The following ACBD7 variants were observed in gnomAD, a reference collection of about 807,000 sequenced individuals.
ACBD7 encodes acyl-CoA binding domain containing 7, also known as acyl-CoA-binding domain-containing protein 7.
A neutral mutation model predicts 13.7 loss-of-function variants in ACBD7; 11 were observed. The observed-to-expected ratio is 0.80, with a 90% confidence interval of 0.50 to 1.33. The LOEUF (loss-of-function observed/expected upper bound fraction) is 1.33. Among genes scored for constraint, ACBD7 ranks in the 40% most tolerant of loss-of-function variants. The probability of loss-of-function intolerance (pLI) is 0.00; values close to 1 mark genes in which losing one functional copy is unlikely to be tolerated. For missense variants in ACBD7, 111 were observed against 103.0 expected (o/e 1.08, Z -0.33); for synonymous variants, 43 against 37.7 (o/e 1.14, Z -0.51).
intron 1 of ACBD7, 120 bp from the exon 2 acceptor site, chr10:15,079,160 AG>A (rs1844719786): frequency 1.9e-6 from 1 of 519,670 alleles, no homozygotes; most frequent in Non-Finnish European, 3.3e-6. Context: ...TGGTTCTATC[AG>A]AATCATCTTA....
chr10:15,076,059 T>C lies in ACBD7; in HGVS notation c.*2471A>G. The C allele has an allele frequency of 1.1e-6, 1 of 950,048 alleles. No homozygotes were observed. Among genetic ancestry groups the C allele is most frequent in the Non-Finnish European group, 1.3e-6 (1 of 797,798 alleles). The allele number at this position is 950,048 out of a possible 1,614,324, so 58.9% of individuals were successfully genotyped here. A position where few individuals can be genotyped will look rare whatever the true frequency, so the allele number is the denominator to read the frequency against. On this transcript the variant is annotated 3_prime_UTR_variant, in exon 4 of 4. Coordinates refer to ENST00000356189, the MANE Select transcript of ACBD7 (RefSeq NM_001039844.3). ...ATGTCACATTTGGGGACTGGCTTTT[T>C]CTGCTCAGCATAATTCCCTGGAAAT...
intron 1 of ACBD7, among the ~76,000 whole-genome samples, chr10:15,085,112 G>A (rs1738252695): frequency 6.6e-6 from 1 of 152,198 alleles, no homozygotes; most frequent in Non-Finnish European, 1.5e-5. Context: ...TTTCTCCTGA[G>A]CGAGGGGTCC....
Position 15,076,991 on chromosome 10 carries a change from T to C in ACBD7, c.*1539A>G, listed in dbSNP as rs1844689667. On this transcript the variant is annotated 3_prime_UTR_variant, in exon 4 of 4. Coordinates refer to ENST00000356189, the MANE Select transcript of ACBD7 (RefSeq NM_001039844.3). ...AATGCTTATACACTATTGGTGGGAA[T>C]GTAAATTAGTACAACCTCTATGAAA... 1.1e-6 allele frequency: 1 copy of C among 927,410 alleles called. No homozygotes were observed. Among genetic ancestry groups the C allele is most frequent in the Non-Finnish European group, 1.3e-6 (1 of 777,338 alleles). The allele number at this position is 927,410 out of a possible 1,614,324, so 57.4% of individuals were successfully genotyped here. A position where few individuals can be genotyped will look rare whatever the true frequency, so the allele number is the denominator to read the frequency against.
rs779230697 is a variant in ACBD7 at position 15,078,760 on chromosome 10, AAAG to A, written c.131-10_131-8del. 37 of 1,613,546 alleles carry A rather than the reference AAAG, an allele frequency of 2.3e-5. No homozygotes were observed. Among genetic ancestry groups the A allele is most frequent in the African/African-American group, 2.3e-4 (17 of 74,914 alleles). ...TCTAGCATTCCTGGACACGCTGGCA[AAAG>A]AAGGAGACATGCATTTGCAGGTTAA... On this transcript the variant is annotated splice_polypyrimidine_tract_variant and splice_region_variant and intron_variant, in intron 2 of 3. Transcript: ENST00000356189.
rs1442466046 is a variant in ACBD7, at chr10:15,078,592, C to T, written c.205G>A (p.Glu69Lys). Residue 69 changes from glutamate (E) to lysine (K), a missense_variant, in exon 4 of 4, where the codon GAA (glutamate) becomes AAA (lysine). By Grantham distance (56) the Glu-to-Lys change is moderately conservative. Coordinates refer to ENST00000356189, the MANE Select transcript of ACBD7 (RefSeq NM_001039844.3). ...GAAATATAGGCACTCGTCGCATCTT[C>T]CGTCGACAACCCTAGAAAGATACAA... ...AWNLKKGLST[E>K]DATSAYISKA... The T allele has an allele frequency of 6.2e-7, 1 of 1,614,148 alleles. No homozygotes were observed. Among genetic ancestry groups the T allele is most frequent in the Non-Finnish European group, 8.5e-7 (1 of 1,180,038 alleles).
rs1035055674 is a variant in ACBD7, at chr10:15,078,330, G to T, written c.*200C>A. On this transcript the variant is annotated 3_prime_UTR_variant, in exon 4 of 4. Coordinates refer to ENST00000356189, the MANE Select transcript of ACBD7 (RefSeq NM_001039844.3). Reference sequence around the variant, plus strand: ...TATATGTGCCACATTTTCTTAAAAAGAACTTTTAAAGACACCTGGTTTAAG... The same window carrying T: ...TATATGTGCCACATTTTCTTAAAAATAACTTTTAAAGACACCTGGTTTAAG... The T allele has an allele frequency of 2.1e-6, 3 of 1,417,306 alleles. No individual in the cohort carries two copies. Among genetic ancestry groups the T allele is most frequent in the African/African-American group, 1.4e-5 (1 of 69,748 alleles). The allele number at this position is 1,417,306 out of a possible 1,614,324, so 87.8% of individuals were successfully genotyped here.
intron 1 of ACBD7, among the ~76,000 whole-genome samples, chr10:15,080,101 C>T (rs75436928): frequency 2.0e-5 from 3 of 152,080 alleles, no homozygotes; most frequent in Admixed American, 6.6e-5. Context: ...AGGGTAATCA[C>T]TATTCCTGAT....
At position 15,078,676 on chromosome 10, in the gene ACBD7, G is replaced by T. The variant is rs761130116; in HGVS notation, c.193+15C>A. The T allele has an allele frequency of 6.2e-7, 1 of 1,614,006 alleles. No homozygotes were observed. The highest frequency in any genetic ancestry group is 1.3e-5 in the African/African-American group (1 of 75,020). ...TTAAGAAAGTTTGCTTTAAACTTGT[G>T]AAAGACTAAAAAACCTTTTTTGAGG... On this transcript the variant is annotated intron_variant, in intron 3 of 3. Coordinates refer to ENST00000356189, the MANE Select transcript of ACBD7 (RefSeq NM_001039844.3).
Position 15,076,436 on chromosome 10 carries a change from T to C in ACBD7, c.*2094A>G, listed in dbSNP as rs1158268018. On this transcript the variant is annotated 3_prime_UTR_variant, in exon 4 of 4. Coordinates refer to ENST00000356189, the MANE Select transcript of ACBD7 (RefSeq NM_001039844.3). ...CTTAAATGTCTTAAATGTAAAAATT[T>C]AAAGAAAAATAGATATTCCTATGGG... is the stretch of plus-strand genomic sequence containing the variant. 1.0e-6 allele frequency: 1 copy of C among 971,290 alleles called. No individual in the cohort carries two copies. Among genetic ancestry groups the C allele is most frequent in the Non-Finnish European group, 1.2e-6 (1 of 817,212 alleles). The allele number at this position is 971,290 out of a possible 1,614,324, so 60.2% of individuals were successfully genotyped here.
In ACBD7 at chr10:15,088,768, C is replaced by G; in HGVS notation, c.-40G>C. ...CGTTGTTGCTGCTGCTGTTGTCGTC[C>G]GGTGCTCTGCCCCCTCTCGCACCCA... On this transcript the variant is annotated 5_prime_UTR_variant, in exon 1 of 4. Transcript: ENST00000356189. 1.9e-6 allele frequency: 3 copies of G among 1,597,386 alleles called. No individual in the cohort carries two copies. The highest frequency in any genetic ancestry group is 2.6e-6 in the Non-Finnish European group (3 of 1,174,782).
intron 1 of ACBD7, among the ~76,000 whole-genome samples, chr10:15,086,125 T>G (rs1174978798): frequency 4.6e-5 from 7 of 151,872 alleles, no homozygotes; most frequent in Admixed American, 3.9e-4. Context: ...CTGGCCAACA[T>G]GGTGAAACCC....
rs555756110 is a variant in ACBD7 at position 15,076,735 on chromosome 10, C to A, written c.*1795G>T. ...GTCAGGCTGGTCTCGAACTTCTGAC[C>A]TCAGTAATCCACCTACCTCGGCCTC... On this transcript the variant is annotated 3_prime_UTR_variant, in exon 4 of 4. Transcript: ENST00000356189. The A allele has an allele frequency of 9.5e-6, 9 of 949,512 alleles. No homozygotes were observed. The highest frequency in any genetic ancestry group is 1.1e-5 in the Non-Finnish European group (9 of 797,452). The allele number at this position is 949,512 out of a possible 1,614,324, so 58.8% of individuals were successfully genotyped here.
chr10:15,083,841 C>T (rs1340881923), intron 1 of ACBD7, among the ~76,000 whole-genome samples: 1 of 152,182 alleles, frequency 6.6e-6, no homozygotes, highest in African/African-American at 2.4e-5. Flanking sequence ...GAGTTCATCT[C>T]ACAGCTCATA....
At position 15,076,464 on chromosome 10, in the gene ACBD7, C is replaced by T; in HGVS notation, c.*2066G>A. ...AGAAAAATAGATATTCCTATGGGGG[C>T]TTTTTAAATTTCTTTAAACTGCTAT... On this transcript the variant is annotated 3_prime_UTR_variant, in exon 4 of 4. Coordinates refer to ENST00000356189, the MANE Select transcript of ACBD7 (RefSeq NM_001039844.3). 1.0e-6 allele frequency: 1 copy of T among 961,914 alleles called. No homozygotes were observed. 59.6% of individuals were successfully genotyped at this position (961,914 alleles called of 1,614,324 possible).
Position 15,088,614 on chromosome 10 carries a change from C to T in ACBD7, c.12+103G>A, listed in dbSNP as rs551523169. 191 of 1,456,274 alleles carry T rather than the reference C, an allele frequency of 1.3e-4. No individual in the cohort carries two copies. The African/African-American group carries it at 2.5e-3, about 19-fold the overall frequency. The allele number at this position is 1,456,274 out of a possible 1,614,324, so 90.2% of individuals were successfully genotyped here. ...GAAGGAGTGGGCGTGTCCCCCGGGT[C>T]ACCGCCGACCGCTCCCAGGGGCGCC... is the stretch of plus-strand genomic sequence containing the variant. On this transcript the variant is annotated intron_variant, in intron 1 of 3. Coordinates refer to ENST00000356189, the MANE Select transcript of ACBD7 (RefSeq NM_001039844.3).
chr10:15,083,467 G>C (rs1447277940), intron 1 of ACBD7, among the ~76,000 whole-genome samples: 3 of 152,134 alleles, frequency 2.0e-5, no homozygotes, highest in Non-Finnish European at 4.4e-5. Context: ...TTTTGTGCTA[G>C]GGTTAAGGAT....
At position 15,084,930 on chromosome 10, in the gene ACBD7, T is replaced by C. The variant is rs559221284; in HGVS notation, c.12+3787A>G. Among the ~76,000 whole-genome samples, 20 of 135,976 alleles carry C rather than the reference T, an allele frequency of 1.5e-4. 1 individual carries two copies. The highest frequency in any genetic ancestry group is 1.1e-3 in the Admixed American group (16 of 13,972). The allele number at this position is 135,976 out of a possible 152,430, so 89.2% of individuals were successfully genotyped here. A position where few individuals can be genotyped will look rare whatever the true frequency, so the allele number is the denominator to read the frequency against. The stretch of plus-strand genomic sequence containing the variant: ...CCTTTTATTACATAGGTGTGGAAAG[T>C]TGGGGTTTTGATTTAGTTCTACAAA... On this transcript the variant is annotated intron_variant, in intron 1 of 3. Coordinates refer to ENST00000356189, the MANE Select transcript of ACBD7 (RefSeq NM_001039844.3).
chr10:15,088,567 C>T (rs1844835924), intron 1 of ACBD7, 150 bp downstream of exon 1: 2 of 1,128,310 alleles, frequency 1.8e-6, no homozygotes, highest in Admixed American at 2.7e-5. Flanking sequence ...GTGCGGTCTA[C>T]ACTGCCATCT....
chr10:15,079,737 C>T (rs1302268387), intron 1 of ACBD7, among the ~76,000 whole-genome samples: 1 of 151,874 alleles, frequency 6.6e-6, no homozygotes, highest in Non-Finnish European at 1.5e-5. Flanking sequence ...TGCCACCGCG[C>T]CTGGCTAAGT....
Sources: allele counts gnomAD v4.1 joint callset (sites outside exome capture counted in the v4.1 genomes callset), GRCh38; gene constraint gnomAD v4.1.1; transcripts MANE v1.5; gene names NCBI Gene and HGNC (gene_info 2026-07-23, HGNC 2026-07-21).